The following AIMP1 variants were observed in gnomAD, a reference collection of about 807,000 sequenced individuals.
AIMP1 encodes aminoacyl tRNA synthetase complex interacting multifunctional protein 1.
AIMP1 carries 24 observed loss-of-function variants against 33.1 expected under a neutral mutation model. The ratio of observed to expected loss-of-function variants is 0.73; its 90% CI spans 0.53 to 1.02. The LOEUF is 1.02. AIMP1 is among the 50% of genes least tolerant of loss of function. AIMP1 has a pLI of 0.00. For missense variants in AIMP1, 367 were observed against 364.8 expected (o/e 1.01, Z -0.05); for synonymous variants, 120 against 121.5 (o/e 0.99, Z 0.08).
chr4:106,332,175 G>GGT (rs1769707857), intron 5 of AIMP1, among the ~76,000 whole-genome samples: 1 of 151,218 alleles, frequency 6.6e-6, no homozygotes, highest in African/African-American at 2.4e-5. Flanking sequence ...AAAAACTATT[G>GGT]GTGTGTATAT....
In AIMP1 at chr4:106,325,164, A is replaced by T. The variant is rs772791686; in HGVS notation, c.109+46A>T. Reference sequence around the variant, plus strand: ...TTGAGGAGATACTTAAAATGAATTCATACATTGATGGAGAAAAAATAATGT... The same window carrying T: ...TTGAGGAGATACTTAAAATGAATTCTTACATTGATGGAGAAAAAATAATGT... On this transcript the variant is annotated intron_variant, in intron 2 of 6. Coordinates refer to ENST00000672341, the MANE Select transcript of AIMP1 (RefSeq NM_001142416.2). 8 of 1,499,654 alleles carry T rather than the reference A, an allele frequency of 5.3e-6. No individual in the cohort carries two copies. The South Asian group carries it at 9.5e-5, about 18-fold the overall frequency. 92.9% of individuals were successfully genotyped at this position (1,499,654 alleles called of 1,614,324 possible). A position where few individuals can be genotyped will look rare whatever the true frequency, so the allele number is the denominator to read the frequency against.
chr4:106,348,631 G>T lies in AIMP1; in HGVS notation c.*939G>T, dbSNP rs1770389387. 1.3e-5 allele frequency: 2 copies of T among 151,920 alleles called. No individual in the cohort carries two copies. The highest frequency in any genetic ancestry group is 2.1e-4 in the South Asian group (1 of 4,804). The allele number at this position is 151,920 out of a possible 1,614,324, so 9.4% of individuals were successfully genotyped here. A position where few individuals can be genotyped will look rare whatever the true frequency, so the allele number is the denominator to read the frequency against. ...TATTCTCACTCATCTTACAAATATT[G>T]TAAGAGCAATAAAAATTAATTGAGG... is the stretch of plus-strand genomic sequence containing the variant. On this transcript the variant is annotated 3_prime_UTR_variant, in exon 7 of 7. Transcript: ENST00000672341.
intron 1 of AIMP1, among the ~76,000 whole-genome samples, chr4:106,316,942 T>C (rs549108419): frequency 3.3e-5 from 5 of 152,324 alleles, no homozygotes; most frequent in African/African-American, 1.2e-4. Context: ...CGAATAGTTA[T>C]TAAGCGCCCA....
intron 1 of AIMP1, among the ~76,000 whole-genome samples, chr4:106,321,955 C>G (rs1309737664): frequency 1.5e-5 from 2 of 131,654 alleles, no homozygotes; most frequent in South Asian, 4.3e-4. Flanking sequence ...ATGGCCCCTG[C>G]TCTCTGAAAC....
At chr4:106,335,516 T>C (rs530819106) in intron 5 of AIMP1, among the ~76,000 whole-genome samples, 36 of 152,318 alleles carry the variant, frequency 2.4e-4, no homozygotes, top group African/African-American at 7.9e-4. Flanking sequence ...ATACTCTGTT[T>C]TGTAGGTGGT....
intron 4 of AIMP1, 138 bp downstream of exon 4, chr4:106,328,381 A>T: frequency 8.9e-7 from 1 of 1,122,750 alleles, no homozygotes; most frequent in Non-Finnish European, 1.2e-6. Context: ...ACAATATGAT[A>T]TTGGAACATA....
intron 6 of AIMP1, among the ~76,000 whole-genome samples, chr4:106,342,646 G>A (rs188885198): frequency 8.0e-4 from 122 of 152,280 alleles, no homozygotes; most frequent in Non-Finnish European, 1.3e-3. Flanking sequence ...CTTGATTGTG[G>A]TATATTGCTT....
chr4:106,343,602 C>A (rs995395887), intron 6 of AIMP1, among the ~76,000 whole-genome samples: 29 of 152,086 alleles, frequency 1.9e-4, no homozygotes, highest in Non-Finnish European at 3.5e-4. Flanking sequence ...TATGCTCTAA[C>A]AACATTTTTT....
At chr4:106,327,320 T>C (rs1769489820) in intron 2 of AIMP1, 131 bp from the exon 3 acceptor site, 3 of 644,750 alleles carry the variant, frequency 4.7e-6, no homozygotes, top group Middle Eastern at 4.4e-4. Flanking sequence ...ATAAAGGCAC[T>C]GGCCAAACAT....
chr4:106,347,407 A>T, intron 6 of AIMP1, 119 bp from the exon 7 acceptor site: 1 of 861,558 alleles, frequency 1.2e-6, no homozygotes, highest in Non-Finnish European at 1.7e-6. Context: ...AAGTTTGATT[A>T]GGTCCAAAAA....
rs1239956399 is a variant in AIMP1 at position 106,328,104 on chromosome 4, TC to T, written c.254del (p.Pro85HisfsTer12). ...VKQIPFPSGT[P>X]LHANSMVSEN... ...AGCAAATACCATTTCCATCTGGTAC[TC>T]CACTGCACGCTAATTCTATGGTTTC... On this transcript the variant is annotated frameshift_variant, in exon 4 of 7. Coordinates refer to ENST00000672341, the MANE Select transcript of AIMP1 (RefSeq NM_001142416.2). LOFTEE classifies it high-confidence loss of function. 2 of 1,613,392 alleles carry T rather than the reference TC, an allele frequency of 1.2e-6. No individual in the cohort carries two copies. Among genetic ancestry groups the T allele is most frequent in the African/African-American group, 2.7e-5 (2 of 74,902 alleles).
chr4:106,319,429 A>G (rs1411074118), intron 1 of AIMP1, among the ~76,000 whole-genome samples: 1 of 152,202 alleles, frequency 6.6e-6, no homozygotes, highest in East Asian at 1.9e-4. Context: ...ATTCTGCATT[A>G]GAGGCATCGT....
intron 6 of AIMP1, among the ~76,000 whole-genome samples, chr4:106,342,880 A>G (rs750491108): frequency 2.0e-5 from 3 of 149,394 alleles, no homozygotes; most frequent in Non-Finnish European, 4.4e-5. Context: ...GGTAGAATTC[A>G]GCTGCGAATC....
intron 5 of AIMP1, among the ~76,000 whole-genome samples, chr4:106,333,639 A>G (rs1769761875): frequency 6.6e-6 from 1 of 152,206 alleles, no homozygotes; most frequent in Non-Finnish European, 1.5e-5. Flanking sequence ...TTCAGAAAAC[A>G]AACCATGGTT....
chr4:106,328,472 A>G (rs1769543648), intron 4 of AIMP1, among the ~76,000 whole-genome samples: 2 of 152,198 alleles, frequency 1.3e-5, no homozygotes, highest in African/African-American at 2.4e-5. Context: ...AGGGACTGGC[A>G]TAAGTTAAAA....
At chr4:106,329,436 C>G (rs1308329599) in intron 4 of AIMP1, among the ~76,000 whole-genome samples, 1 of 152,138 alleles carries the variant, frequency 6.6e-6, no homozygotes, top group African/African-American at 2.4e-5. Flanking sequence ...CACAGGACCA[C>G]AAGACCAAAT....
chr4:106,345,356 A>G (rs376056062), intron 6 of AIMP1, among the ~76,000 whole-genome samples: 14 of 152,318 alleles, frequency 9.2e-5, no homozygotes, highest in African/African-American at 2.4e-4. Context: ...CCTGAACAGT[A>G]TCTCTCCCTC....
chr4:106,336,827 A>C, intron 5 of AIMP1, 42 bp from the exon 6 acceptor site: 4 of 1,571,808 alleles, frequency 2.5e-6, no homozygotes, highest in Non-Finnish European at 3.5e-6. Flanking sequence ...GATTAGGCTT[A>C]ATCTGTGTAC....
chr4:106,339,395 C>T (rs1770011572), intron 6 of AIMP1, among the ~76,000 whole-genome samples: 1 of 152,148 alleles, frequency 6.6e-6, no homozygotes, highest in South Asian at 2.1e-4. Context: ...AGGGTTTTTC[C>T]TGTGCTGTTC....
Sources: allele counts gnomAD v4.1 joint callset (sites outside exome capture counted in the v4.1 genomes callset), GRCh38; gene constraint gnomAD v4.1.1; transcripts MANE v1.5; gene names NCBI Gene and HGNC (gene_info 2026-07-23, HGNC 2026-07-21).